The following TNS1 variants were observed in gnomAD, a reference collection of about 807,000 sequenced individuals.
TNS1 encodes the protein tensin 1.
Under a neutral mutation model 168.6 loss-of-function variants are expected in TNS1, and 62 were observed. The ratio of observed to expected loss-of-function variants is 0.37; its 90% CI spans 0.30 to 0.45. The LOEUF is 0.45. TNS1 is among the 20% of genes least tolerant of loss of function. The pLI, the probability that TNS1 is intolerant of heterozygous loss-of-function variation, is 1.00. For synonymous variants in TNS1, 934 were observed against 933.2 expected (o/e 1.00, Z -0.02); for missense variants, 2,240 against 2,339.4 (o/e 0.96, Z 0.88).
In TNS1 at chr2:217,848,181, T is replaced by C. The variant is rs1946937238; in HGVS notation, c.2336A>G (p.Gln779Arg). The change falls in exon 19 of 33, where the codon CAG (glutamine) becomes CGG (arginine). Residue 779 changes from glutamine to arginine, a missense_variant. Coordinates refer to ENST00000682258, the MANE Select transcript of TNS1 (RefSeq NM_001387777.1). Reference protein sequence around the residue: ...QRGLNSWQQQQQQQQQPRPPP... With the variant: ...QRGLNSWQQQRQQQQQPRPPP... ...TGGGCGAGGCTGCTGCTGCTGCTGC[T>C]GCTGCTGCTGCCACGAATTCAGTCC... 6.2e-7 allele frequency: 1 copy of C among 1,604,668 alleles called. No individual in the cohort carries two copies. Among genetic ancestry groups the C allele is most frequent in the African/African-American group, 1.3e-5 (1 of 74,880 alleles).
intron 24 of TNS1, among the ~76,000 whole-genome samples, chr2:217,816,909 G>A (rs1336540973): frequency 6.6e-6 from 1 of 152,110 alleles, no homozygotes; most frequent in Non-Finnish European, 1.5e-5. Flanking sequence ...AAACATCCAG[G>A]GCCACTGTGC....
At position 217,821,889 on chromosome 2, in the gene TNS1, G is replaced by T; in HGVS notation, c.3423C>A (p.Pro1141=). 1 of 1,589,808 alleles carries T rather than the reference G, an allele frequency of 6.3e-7. No homozygotes were observed. Among genetic ancestry groups the T allele is most frequent in the South Asian group, 1.2e-5 (1 of 86,774 alleles). ...ESVARTAVAG[P]RAQDSEPKSF... ...TCTTGGGCTCAGAGTCCTGAGCTCG[G>T]GGTCCAGCCACCGCTGTCCGTGCCA... is the stretch of plus-strand genomic sequence containing the variant. Residue 1141 remains proline, a synonymous_variant, in exon 23 of 33, where the codon CCC becomes CCA. Coordinates refer to ENST00000682258, the MANE Select transcript of TNS1 (RefSeq NM_001387777.1).
chr2:217,951,087 T>C (rs1957229741), intron 3 of TNS1, among the ~76,000 whole-genome samples: 1 of 152,180 alleles, frequency 6.6e-6, no homozygotes. Flanking sequence ...TGGGGAGCTA[T>C]CCCTCCAGGG....
At chr2:217,843,895 T>C (rs752736793) in intron 19 of TNS1, among the ~76,000 whole-genome samples, 53 of 152,142 alleles carry the variant, frequency 3.5e-4, no homozygotes, top group Non-Finnish European at 6.5e-4. Flanking sequence ...GTGAGAATGA[T>C]TCCAAAACCT....
In TNS1 at chr2:217,801,604, G is replaced by A. The variant is rs1574503630; in HGVS notation, c.*2855C>T. Reference sequence around the variant, plus strand: ...AATAGATTCAGGGAGGGAGAAGACAGAAGAAGATAAACATTTACAAAATAA... The same window carrying A: ...AATAGATTCAGGGAGGGAGAAGACAAAAGAAGATAAACATTTACAAAATAA... On this transcript the variant is annotated 3_prime_UTR_variant, in exon 33 of 33. Transcript: ENST00000682258. 1 of 152,380 alleles carries A rather than the reference G, an allele frequency of 6.6e-6. No homozygotes were observed. The highest frequency in any genetic ancestry group is 1.5e-5 in the Non-Finnish European group (1 of 68,048). The allele number at this position is 152,380 out of a possible 1,614,324, so 9.4% of individuals were successfully genotyped here.
At position 217,813,635 on chromosome 2, in the gene TNS1, G is replaced by A. The variant is rs780573223; in HGVS notation, c.4861+50C>T. ...TCCCTCCAGCACCTCCAGGTTTAGCGACTGTAAAGCTCACCTGGTCCTGAG... is the reference window on the plus strand; with the variant it reads ...TCCCTCCAGCACCTCCAGGTTTAGCAACTGTAAAGCTCACCTGGTCCTGAG... On this transcript the variant is annotated intron_variant, in intron 26 of 32. Transcript: ENST00000682258. The surrounding 1 kb of genome is among the most constrained non-coding windows in gnomAD (Gnocchi z 4.0). 1.0e-5 allele frequency: 16 copies of A among 1,554,886 alleles called. No homozygotes were observed. Among genetic ancestry groups the A allele is most frequent in the African/African-American group, 1.4e-5 (1 of 73,038 alleles).
chr2:217,872,530 G>GGCTA (rs1318731188), intron 18 of TNS1, among the ~76,000 whole-genome samples: 1 of 152,222 alleles, frequency 6.6e-6, no homozygotes, highest in East Asian at 1.9e-4. Flanking sequence ...CCACTAGGAT[G>GGCTA]GCTAGCATCC....
intron 7 of TNS1, among the ~76,000 whole-genome samples, chr2:217,900,148 A>C (rs1952790144): frequency 6.6e-6 from 1 of 152,206 alleles, no homozygotes; most frequent in African/African-American, 2.4e-5. Context: ...GACCTTTACA[A>C]GTCACCTCAT....
chr2:218,031,382 GTA>G (rs892239519), intron 1 of TNS1, among the ~76,000 whole-genome samples: 3 of 150,018 alleles, frequency 2.0e-5, no homozygotes, highest in African/African-American at 7.4e-5. Context: ...GTCTGTGTGT[GTA>G]TGAATGTCTT....
intron 3 of TNS1, among the ~76,000 whole-genome samples, chr2:217,970,621 A>C (rs1957753039): frequency 6.6e-6 from 1 of 152,226 alleles, no homozygotes; most frequent in Non-Finnish European, 1.5e-5. Flanking sequence ...AAAGAAAAAG[A>C]AGCCAGTCTT....
intron 1 of TNS1, among the ~76,000 whole-genome samples, chr2:218,025,224 G>A (rs755265053): frequency 2.0e-5 from 3 of 152,144 alleles, no homozygotes; most frequent in African/African-American, 4.8e-5. Context: ...CAGAAATGAC[G>A]AGGGCCCCAG....
intron 10 of TNS1, 38 bp downstream of exon 10, chr2:217,893,401 C>A (rs1302207805): frequency 2.4e-6 from 1 of 412,956 alleles, no homozygotes; most frequent in African/African-American, 1.1e-4. Flanking sequence ...TGCGCGCGCG[C>A]ACACACACAC....
chr2:217,974,186 T>A (rs1272390082), intron 3 of TNS1, among the ~76,000 whole-genome samples: 2 of 152,238 alleles, frequency 1.3e-5, no homozygotes, highest in Admixed American at 6.5e-5. Context: ...ATGTTCTAGA[T>A]CATGATCTGG....
At chr2:217,999,283 G>A (rs1009757894) in intron 1 of TNS1, among the ~76,000 whole-genome samples, 5 of 152,214 alleles carry the variant, frequency 3.3e-5, no homozygotes, top group South Asian at 2.1e-4. Context: ...CCTACAAGAA[G>A]CACTAACATT....
chr2:217,919,448 G>A lies in TNS1; in HGVS notation c.228+747C>T, dbSNP rs1046233116. ...CCACACACCTGTACACAGGCACACA[G>A]GTGCATGCAGGCAGCCCCCTTCCTT... On this transcript the variant is annotated intron_variant, in intron 4 of 32. Coordinates refer to ENST00000682258, the MANE Select transcript of TNS1 (RefSeq NM_001387777.1). Among the ~76,000 whole-genome samples the A allele has an allele frequency of 2.6e-5, 4 of 152,368 alleles. No homozygotes were observed. In the East Asian group the frequency reaches 7.7e-4, roughly 29 times the overall value.
At chr2:217,876,228 C>A (rs1950187854) in intron 18 of TNS1, among the ~76,000 whole-genome samples, 1 of 152,174 alleles carries the variant, frequency 6.6e-6, no homozygotes, top group African/African-American at 2.4e-5. Flanking sequence ...TGGTTCAAGG[C>A]TTGCTTCCGA....
rs144615835 is a variant in TNS1, at chr2:217,971,533, T to C, written c.186+7232A>G. Reference sequence around the variant, plus strand: ...TTGGAAATAAAGCTGCTATGAATATTTGTGAACAAGTCGTCTTTTTACAGA... The same window carrying C: ...TTGGAAATAAAGCTGCTATGAATATCTGTGAACAAGTCGTCTTTTTACAGA... On this transcript the variant is annotated intron_variant, in intron 3 of 32. Coordinates refer to ENST00000682258, the MANE Select transcript of TNS1 (RefSeq NM_001387777.1). Among the ~76,000 whole-genome samples, 425 of 152,362 alleles carry C rather than the reference T, an allele frequency of 2.8e-3. 6 individuals are homozygous for C. Among genetic ancestry groups the C allele is most frequent in the African/African-American group, 9.6e-3 (401 of 41,584 alleles).
Position 217,813,602 on chromosome 2 carries a change from AC to A in TNS1, c.4861+82del, listed in dbSNP as rs1941363235. ...GATGGGAGTTAAGGTCCTGCCCAGC[AC>A]CCTGGGTCCCTCCAGCACCTCCAGG... is the stretch of plus-strand genomic sequence containing the variant. On this transcript the variant is annotated intron_variant, in intron 26 of 32. Coordinates refer to ENST00000682258, the MANE Select transcript of TNS1 (RefSeq NM_001387777.1). The surrounding 1 kb of genome is among the most constrained non-coding windows in gnomAD (Gnocchi z 4.0). 1 of 1,521,340 alleles carries A rather than the reference AC, an allele frequency of 6.6e-7. No individual in the cohort carries two copies. The allele number at this position is 1,521,340 out of a possible 1,614,324, so 94.2% of individuals were successfully genotyped here. A position where few individuals can be genotyped will look rare whatever the true frequency, so the allele number is the denominator to read the frequency against.
chr2:218,020,134 G>GA (rs1387719319), intron 1 of TNS1, among the ~76,000 whole-genome samples: 1 of 152,052 alleles, frequency 6.6e-6, no homozygotes, highest in African/African-American at 2.4e-5. Flanking sequence ...ATCCCAGAGG[G>GA]AAAAAAAGGA....
Sources: allele counts gnomAD v4.1 joint callset (sites outside exome capture counted in the v4.1 genomes callset), GRCh38; gene constraint gnomAD v4.1.1; non-coding constraint Gnocchi (gnomAD v3.1); transcripts MANE v1.5; gene names NCBI Gene and HGNC (gene_info 2026-07-23, HGNC 2026-07-21).